KLHL3: variants seen among roughly 807,000 people sequenced by gnomAD.
KLHL3 encodes kelch like family member 3.
KLHL3 carries 19 observed loss-of-function variants against 70.5 expected under a neutral mutation model. The observed-to-expected ratio is 0.27, with a 90% CI of 0.19 to 0.40. The LOEUF (loss-of-function observed/expected upper bound fraction) is 0.40, where lower values mean the gene tolerates loss of function less well. Among genes scored for constraint, KLHL3 ranks in the 10% least tolerant of loss-of-function variants. The pLI, the probability that KLHL3 is intolerant of heterozygous loss-of-function variation, is 1.00. For synonymous variants in KLHL3, 258 were observed against 290.3 expected (o/e 0.89, Z 1.13); for missense variants, 512 against 771.1 (o/e 0.66, Z 3.98).
chr5:137,626,015 A>G, intron 13 of KLHL3, 119 bp from the exon 14 acceptor site: 1 of 1,243,590 alleles, frequency 8.0e-7, no homozygotes, highest in Non-Finnish European at 1.1e-6. Flanking sequence ...ATGGCAATAC[A>G]ACAGAGATTT....
chr5:137,659,509 GT>G (rs1239095264), intron 7 of KLHL3, among the ~76,000 whole-genome samples: 2 of 151,690 alleles, frequency 1.3e-5, no homozygotes, highest in Non-Finnish European at 2.9e-5. Flanking sequence ...TCCTTGGAAG[GT>G]TTTTTTTTCC....
chr5:137,693,229 A>C (rs1042764718), intron 4 of KLHL3, among the ~76,000 whole-genome samples: 1 of 152,356 alleles, frequency 6.6e-6, no homozygotes, highest in African/African-American at 2.4e-5. Flanking sequence ...AGGCAACGAC[A>C]CTTTATTCTC....
intron 7 of KLHL3, among the ~76,000 whole-genome samples, chr5:137,660,541 T>G (rs1002762936): frequency 6.6e-6 from 1 of 152,184 alleles, no homozygotes; most frequent in African/African-American, 2.4e-5. Flanking sequence ...TCACCCAAAG[T>G]AGCATGCATG....
chr5:137,635,490 G>A (rs2149882604), intron 11 of KLHL3, among the ~76,000 whole-genome samples: 1 of 152,294 alleles, frequency 6.6e-6, no homozygotes, highest in African/African-American at 2.4e-5. Flanking sequence ...TCCTAAATAG[G>A]TATTCTTCGA....
intron 1 of KLHL3, among the ~76,000 whole-genome samples, chr5:137,735,384 A>G (rs1753244885): frequency 6.6e-6 from 1 of 152,242 alleles, no homozygotes; most frequent in Non-Finnish European, 1.5e-5. Context: ...CCCTTCTTTC[A>G]GGGTGCTCCG....
chr5:137,642,573 G>T (rs540899431), intron 8 of KLHL3, among the ~76,000 whole-genome samples: 2 of 152,328 alleles, frequency 1.3e-5, no homozygotes, highest in East Asian at 1.9e-4. Context: ...CCAGGTAAAA[G>T]TGAGGGCTCA....
chr5:137,725,866 T>C (rs2149937746), intron 1 of KLHL3, among the ~76,000 whole-genome samples: 1 of 152,338 alleles, frequency 6.6e-6, no homozygotes, highest in East Asian at 1.9e-4. Flanking sequence ...AAATTGGTTC[T>C]GACTTATCTC....
chr5:137,657,991 A>G, intron 8 of KLHL3, 140 bp downstream of exon 8: 1 of 750,782 alleles, frequency 1.3e-6, no homozygotes, highest in East Asian at 2.6e-5. Flanking sequence ...AAGAGGAACC[A>G]GCAGACTCCA....
intron 2 of KLHL3, among the ~76,000 whole-genome samples, chr5:137,710,766 C>T (rs1055081632): frequency 1.3e-5 from 2 of 152,154 alleles, no homozygotes; most frequent in African/African-American, 4.8e-5. Context: ...ATGTGCCAGG[C>T]ACTGTTCTAA....
At position 137,621,946 on chromosome 5, in the gene KLHL3, GAAC is replaced by G; in HGVS notation, c.*149_*151del. On this transcript the variant is annotated 3_prime_UTR_variant, in exon 15 of 15. Coordinates refer to ENST00000309755, the MANE Select transcript of KLHL3 (RefSeq NM_017415.3). Reference sequence around the variant, plus strand: ...TGGGTAATGGTGTCCACACTGCGATGAACAACACCAGTCTGCCAAGTCAGAGGA... The same window carrying G: ...TGGGTAATGGTGTCCACACTGCGATGAACACCAGTCTGCCAAGTCAGAGGA... 1.2e-6 allele frequency: 1 copy of G among 815,474 alleles called. No individual in the cohort carries two copies. Among genetic ancestry groups the G allele is most frequent in the Admixed American group, 1.9e-5 (1 of 53,774 alleles). The allele number at this position is 815,474 out of a possible 1,614,324, so 50.5% of individuals were successfully genotyped here.
intron 8 of KLHL3, among the ~76,000 whole-genome samples, chr5:137,643,551 C>T (rs147216538): frequency 2.2e-3 from 337 of 152,222 alleles, no homozygotes; most frequent in African/African-American, 7.6e-3. Context: ...AGCAGGTATA[C>T]ATCTGCTTCT....
At chr5:137,673,616 CTG>C (rs1751816095) in intron 6 of KLHL3, 2 of 152,242 alleles carry the variant, frequency 1.3e-5, no homozygotes, top group South Asian at 4.1e-4. Context: ...CTCTAGAAAA[CTG>C]TTAAAATTAT....
chr5:137,680,300 C>G (rs969060808), intron 5 of KLHL3, among the ~76,000 whole-genome samples: 2 of 152,138 alleles, frequency 1.3e-5, no homozygotes, highest in Non-Finnish European at 2.9e-5. Context: ...GTCAGAAGAC[C>G]TGGGTTCATG....
At chr5:137,659,090 G>T (rs1444231866) in intron 7 of KLHL3, among the ~76,000 whole-genome samples, 1 of 152,234 alleles carries the variant, frequency 6.6e-6, no homozygotes, top group East Asian at 1.9e-4. Flanking sequence ...TCACTGTGTG[G>T]CATATCTGGA....
rs974013789 is a variant in KLHL3, at chr5:137,618,808, C to T, written c.*3290G>A. On this transcript the variant is annotated 3_prime_UTR_variant, in exon 15 of 15. Transcript: ENST00000309755. ...CAATACAGACGGGCAAGTGCTGAGT[C>T]GAACATAACATCAGTCCCTAGCAAT... 6.8e-6 allele frequency: 1 copy of T among 147,352 alleles called. No individual in the cohort carries two copies. Among genetic ancestry groups the T allele is most frequent in the African/African-American group, 2.5e-5 (1 of 40,092 alleles). The allele number at this position is 147,352 out of a possible 1,614,324, so 9.1% of individuals were successfully genotyped here. A position where few individuals can be genotyped will look rare whatever the true frequency, so the allele number is the denominator to read the frequency against.
intron 6 of KLHL3, among the ~76,000 whole-genome samples, chr5:137,676,425 G>A (rs767606038): frequency 1.3e-5 from 2 of 152,190 alleles, no homozygotes; most frequent in African/African-American, 2.4e-5. Context: ...GATACAGAAA[G>A]GAATAAGATG....
intron 1 of KLHL3, among the ~76,000 whole-genome samples, chr5:137,726,518 G>A (rs1444059811): frequency 2.0e-5 from 3 of 152,044 alleles, no homozygotes; most frequent in Non-Finnish European, 4.4e-5. Flanking sequence ...TGAAACCCTC[G>A]GGATACATCA....
At chr5:137,713,923 G>A (rs982091727) in intron 2 of KLHL3, among the ~76,000 whole-genome samples, 18 of 151,960 alleles carry the variant, frequency 1.2e-4, no homozygotes, top group Middle Eastern at 3.2e-3. Context: ...TGTGCACAAC[G>A]TGCAGGTTTG....
intron 12 of KLHL3, among the ~76,000 whole-genome samples, chr5:137,633,169 A>C (rs1750680405): frequency 6.7e-6 from 1 of 150,156 alleles, no homozygotes; most frequent in African/African-American, 2.4e-5. Context: ...AGTCCCAGCT[A>C]CTCGGGAGGC....
Sources: allele counts gnomAD v4.1 joint callset (sites outside exome capture counted in the v4.1 genomes callset), GRCh38; gene constraint gnomAD v4.1.1; transcripts MANE v1.5; gene names NCBI Gene and HGNC (gene_info 2026-07-23, HGNC 2026-07-21).